Variants in CDKAL1 observed in about 807,000 individuals in gnomAD.
CDKAL1 encodes threonylcarbamoyladenosine tRNA methylthiotransferase.
CDKAL1 carries 32 observed loss-of-function variants against 68.2 expected under a neutral mutation model. The ratio of observed to expected loss-of-function variants is 0.47; its 90% CI spans 0.35 to 0.63. CDKAL1 has a LOEUF of 0.63. CDKAL1 is among the 30% of genes least tolerant of loss of function. The pLI, the probability that CDKAL1 is intolerant of heterozygous loss-of-function variation, is 0.00. For synonymous variants in CDKAL1, 234 were observed against 244.3 expected (o/e 0.96, Z 0.39); for missense variants, 606 against 696.7 (o/e 0.87, Z 1.47).
chr6:21,086,651 C>T (rs879363131), intron 12 of CDKAL1, among the ~76,000 whole-genome samples: 3 of 152,136 alleles, frequency 2.0e-5, no homozygotes, highest in African/African-American at 4.8e-5. Context: ...CCTTTACCTT[C>T]CTAACAGTTC....
At chr6:21,050,221 T>C (rs542207792) in intron 11 of CDKAL1, among the ~76,000 whole-genome samples, 148 of 152,344 alleles carry the variant, frequency 9.7e-4, no homozygotes, top group African/African-American at 3.3e-3. Context: ...ATAATTAATA[T>C]GTTAGTTGTA....
intron 12 of CDKAL1, among the ~76,000 whole-genome samples, chr6:21,096,577 G>C (rs1288344350): frequency 6.6e-6 from 1 of 152,088 alleles, no homozygotes; most frequent in Non-Finnish European, 1.5e-5. Flanking sequence ...GTTGCACAGT[G>C]TTACTCTCTC....
At chr6:20,768,946 G>A (rs144325810) in intron 7 of CDKAL1, among the ~76,000 whole-genome samples, 3 of 152,192 alleles carry the variant, frequency 2.0e-5, no homozygotes, top group Non-Finnish European at 4.4e-5. Context: ...ACTGGGAGCT[G>A]GGGAGTTGGC....
intron 13 of CDKAL1, among the ~76,000 whole-genome samples, chr6:21,153,482 A>G (rs1399920311): frequency 6.6e-6 from 1 of 152,026 alleles, no homozygotes; most frequent in Non-Finnish European, 1.5e-5. Flanking sequence ...AGGCTGTATC[A>G]CCTCTAGATT....
At chr6:20,693,017 C>T (rs561313719) in intron 5 of CDKAL1, among the ~76,000 whole-genome samples, 3 of 150,846 alleles carry the variant, frequency 2.0e-5, no homozygotes, top group South Asian at 2.1e-4. Context: ...ATAGTCCCAG[C>T]TACTCGGGAG....
At chr6:20,848,690 G>A (rs1017723203) in intron 9 of CDKAL1, among the ~76,000 whole-genome samples, 1 of 151,964 alleles carries the variant, frequency 6.6e-6, no homozygotes, top group Non-Finnish European at 1.5e-5. Context: ...TATTATCTGT[G>A]TATTAGAATT....
chr6:20,607,213 A>G (rs369566878), intron 4 of CDKAL1, among the ~76,000 whole-genome samples: 2 of 152,224 alleles, frequency 1.3e-5, no homozygotes, highest in Admixed American at 1.3e-4. Flanking sequence ...AATTAACAGG[A>G]AAAGGGAAAC....
intron 11 of CDKAL1, among the ~76,000 whole-genome samples, chr6:21,020,889 A>ATG (rs1015704447): frequency 3.3e-5 from 5 of 149,432 alleles, no homozygotes; most frequent in Admixed American, 6.7e-5. Context: ...GGCATTACAG[A>ATG]TGTGTGTGTG....
At chr6:20,664,850 G>A (rs742642) in intron 5 of CDKAL1, among the ~76,000 whole-genome samples, 32,021 of 151,880 alleles carry the variant, frequency 0.21, 4,134 homozygotes, top group East Asian at 0.38. Context: ...CTTGGTAATC[G>A]GTAATGGGTG....
chr6:20,644,950 C>A (rs1351354176), intron 4 of CDKAL1, among the ~76,000 whole-genome samples: 1 of 152,206 alleles, frequency 6.6e-6, no homozygotes, highest in Non-Finnish European at 1.5e-5. Flanking sequence ...CAGCCTATGA[C>A]ATATCTAGGC....
intron 10 of CDKAL1, among the ~76,000 whole-genome samples, chr6:20,982,036 T>C (rs945177214): frequency 4.7e-5 from 7 of 150,042 alleles, no homozygotes; most frequent in African/African-American, 1.5e-4. Context: ...TCACCTAAGA[T>C]AGAAGGAAAT....
intron 5 of CDKAL1, among the ~76,000 whole-genome samples, chr6:20,650,469 T>C (rs942951958): frequency 3.3e-5 from 5 of 152,142 alleles, no homozygotes; most frequent in Admixed American, 2.0e-4. Flanking sequence ...ACCTTTGTTA[T>C]GTGGATAGAT....
intron 9 of CDKAL1, among the ~76,000 whole-genome samples, chr6:20,863,696 G>A (rs962438548): frequency 1.3e-5 from 2 of 152,022 alleles, no homozygotes. Context: ...ATATGGATTG[G>A]GCACAGTTAA....
At position 21,005,643 on chromosome 6, in the gene CDKAL1, C is replaced by T. The variant is rs148988294; in HGVS notation, c.1055+5271C>T. 6.0e-3 allele frequency among the ~76,000 whole-genome samples: 908 copies of T among 152,250 alleles called. 17 individuals carry two copies. Among genetic ancestry groups the T allele is most frequent in the Admixed American group, 0.043 (653 of 15,306 alleles). On this transcript the variant is annotated intron_variant, in intron 11 of 15. Coordinates refer to ENST00000274695, the MANE Select transcript of CDKAL1 (RefSeq NM_017774.3). ...AACGTTAAGTTGCATCTTACTGTGG[C>T]GTCTCCATGTTGATTTTTAATCCCA...
chr6:20,959,930 T>A (rs1421054346), intron 10 of CDKAL1, among the ~76,000 whole-genome samples: 1 of 152,170 alleles, frequency 6.6e-6, no homozygotes, highest in South Asian at 2.1e-4. Context: ...CCCAACAAGG[T>A]TCACATGAGA....
At chr6:20,568,602 G>A (rs1017190501) in intron 4 of CDKAL1, among the ~76,000 whole-genome samples, 1 of 151,836 alleles carries the variant, frequency 6.6e-6, no homozygotes, top group African/African-American at 2.4e-5. Context: ...GGGCGTGGTG[G>A]CGGGCGCCTG....
intron 13 of CDKAL1, among the ~76,000 whole-genome samples, chr6:21,181,694 C>T (rs1476568069): frequency 3.9e-5 from 6 of 152,074 alleles, no homozygotes; most frequent in Admixed American, 3.3e-4. Context: ...TTTTCTTAGT[C>T]AGTATTTTGA....
In CDKAL1 at chr6:20,539,498, TG is replaced by T. The variant is rs528722769; in HGVS notation, c.-6+4109del. 2.9e-4 allele frequency among the ~76,000 whole-genome samples: 44 copies of T among 151,936 alleles called. No homozygotes were observed. Among genetic ancestry groups the T allele is most frequent in the Admixed American group, 5.2e-4 (8 of 15,242 alleles). Reference sequence around the variant, plus strand: ...CATAGGAAGAGGGTGTGTGGTGAGGTGGGGGTGTTGGTTGGAAAGTCCTCTC... The same window carrying T: ...CATAGGAAGAGGGTGTGTGGTGAGGTGGGGTGTTGGTTGGAAAGTCCTCTC... On this transcript the variant is annotated intron_variant, in intron 2 of 15. Coordinates refer to ENST00000274695, the MANE Select transcript of CDKAL1 (RefSeq NM_017774.3). The surrounding 1 kb of genome is among the most constrained non-coding windows in gnomAD (Gnocchi z 4.3).
intron 8 of CDKAL1, among the ~76,000 whole-genome samples, chr6:20,831,854 A>G (rs1777731661): frequency 6.6e-6 from 1 of 152,154 alleles, no homozygotes; most frequent in South Asian, 2.1e-4. Flanking sequence ...TGCTGAATGA[A>G]CGTAGAATGG....
Sources: gnomAD v4.1 joint callset for allele counts (sites outside exome capture counted in the v4.1 genomes callset) on GRCh38, gnomAD v4.1.1 for gene constraint, Gnocchi (gnomAD v3.1) non-coding constraint, MANE v1.5 for transcripts, NCBI Gene and HGNC (gene_info 2026-07-23, HGNC 2026-07-21) for gene names.